Variants in NUP155 observed in about 807,000 individuals in gnomAD.
The protein encoded by NUP155 is nuclear pore complex protein Nup155.
A neutral mutation model predicts 180.4 loss-of-function variants in NUP155; 71 were observed. The observed-to-expected ratio is 0.39, with a 90% CI of 0.33 to 0.48. The LOEUF is 0.48. NUP155 is among the 20% of genes least tolerant of loss of function. The pLI is 0.91. For synonymous variants in NUP155, 582 were observed against 559.5 expected (o/e 1.04, Z -0.57); for missense variants, 1,553 against 1,648.9 (o/e 0.94, Z 1.01).
Position 37,342,554 on chromosome 5 carries a change from T to G in NUP155, c.1088A>C (p.His363Pro). Residue 363 changes from histidine (H) to proline (P), a missense_variant, in exon 10 of 35, where the codon CAT (histidine) becomes CCT (proline). By Grantham distance (77) the His-to-Pro change is moderately conservative (BLOSUM62 -2). Transcript: ENST00000231498. ...SLDCQLLAVT[H>P]AGVRLYFSTC... is the part of the protein sequence containing the mutation. ...ATGTAAATAAAACAACATACCTGCA[T>G]GTGTGACAGCCAATAACTGACAGTC... 6.3e-7 allele frequency: 1 copy of G among 1,598,504 alleles called. No individual in the cohort carries two copies. The highest frequency in any genetic ancestry group is 1.1e-5 in the South Asian group (1 of 90,766).
chr5:37,333,541 A>G lies in NUP155; in HGVS notation c.1440T>C (p.His480=). The change falls in exon 13 of 35, where the codon CAT becomes CAC. Residue 480 remains histidine (H), a synonymous_variant. Transcript: ENST00000231498. ...CAACTGGTGAATCAGTTATTGGAAT[A>G]TGATCCTTGTTTAAAGGTGTAATTA... ...DKIITPLNKD[H]IPITDSPVVV... 1 of 1,613,952 alleles carries G rather than the reference A, an allele frequency of 6.2e-7. No homozygotes were observed. The highest frequency in any genetic ancestry group is 8.5e-7 in the Non-Finnish European group (1 of 1,179,828).
Position 37,327,580 on chromosome 5 carries a change from C to T in NUP155, c.2024+49G>A, listed in dbSNP as rs1037822574. 10 of 1,603,362 alleles carry T rather than the reference C, an allele frequency of 6.2e-6. No individual in the cohort carries two copies. In the African/African-American group the frequency reaches 1.2e-4, roughly 19 times the overall value. ...TCAGAGTTAAAAATATTTAACTACT[C>T]AAGATGGGACAAGGTGAGCAATAAT... On this transcript the variant is annotated intron_variant, in intron 18 of 34. Coordinates refer to ENST00000231498, the MANE Select transcript of NUP155 (RefSeq NM_153485.3).
intron 24 of NUP155, 127 bp from the exon 25 acceptor site, chr5:37,307,559 TA>T: frequency 1.1e-6 from 1 of 905,324 alleles, no homozygotes; most frequent in East Asian, 2.5e-5. Context: ...CCTGCTAACA[TA>T]AAATATTTCT....
chr5:37,323,744 A>G (rs1744402122), intron 20 of NUP155, among the ~76,000 whole-genome samples: 1 of 151,628 alleles, frequency 6.6e-6, no homozygotes, highest in African/African-American at 2.4e-5. Flanking sequence ...AAAGTAGATT[A>G]GTGGTTGCCA....
Position 37,364,335 on chromosome 5 carries a change from T to A in NUP155, c.207A>T (p.Gly69=). ...GMSDMDYPLQ[G]PGLLSVPNLP... ...GGTTGGGTACGGACAGCAAACCAGG[T>A]CCTTGCAAAGGATAATCCATATCTG... is the stretch of plus-strand genomic sequence containing the variant. Residue 69 remains glycine (G), a synonymous_variant, in exon 2 of 35, where the codon GGA becomes GGT. Coordinates refer to ENST00000231498, the MANE Select transcript of NUP155 (RefSeq NM_153485.3). 1.2e-6 allele frequency: 2 copies of A among 1,610,976 alleles called. No homozygotes were observed. The highest frequency in any genetic ancestry group is 1.1e-5 in the South Asian group (1 of 91,022).
intron 3 of NUP155, among the ~76,000 whole-genome samples, chr5:37,363,457 C>T (rs906670470): frequency 1.3e-5 from 2 of 152,178 alleles, no homozygotes; most frequent in African/African-American, 4.8e-5. Flanking sequence ...CATTTCTATA[C>T]ATATAATTTA....
In NUP155 at chr5:37,351,338, T is replaced by A. The variant is rs1398572991; in HGVS notation, c.575A>T (p.Asp192Val). The change falls in exon 6 of 35, where the codon GAT (aspartate) becomes GTT (valine). Residue 192 changes from aspartate to valine, a missense_variant. Transcript: ENST00000231498. ...NLQTGSGVLN[D>V]SLSGGMQLLP... ...CAACTGCATTCCACCAGACAAACTA[T>A]CATTAAGAACTCCAGAACCTATTTA... 1 of 1,611,984 alleles carries A rather than the reference T, an allele frequency of 6.2e-7. No homozygotes were observed. Among genetic ancestry groups the A allele is most frequent in the Non-Finnish European group, 8.5e-7 (1 of 1,178,398 alleles).
At chr5:37,342,014 C>A (rs17511925) in intron 10 of NUP155, among the ~76,000 whole-genome samples, 15,166 of 152,174 alleles carry the variant, frequency 0.1, 847 homozygotes, top group Admixed American at 0.15. Context: ...AGCCACTGCG[C>A]CTTTTAGGCT....
At chr5:37,339,833 G>C (rs891393941) in intron 11 of NUP155, among the ~76,000 whole-genome samples, 1 of 152,064 alleles carries the variant, frequency 6.6e-6, no homozygotes, top group African/African-American at 2.4e-5. Context: ...GTAGGATCTT[G>C]GTTCACTGTA....
Position 37,292,922 on chromosome 5 carries a change from T to C in NUP155, c.3994A>G (p.Ile1332Val), listed in dbSNP as rs769549565. ...TGGCTGGGATTCTCAACATATCTTA[T>C]CAATAATACATGTATACAATCCAAA... ...HLLDCIHVLL[I>V]RYVENPSQVL... The change falls in exon 34 of 35, where the codon ATA (isoleucine) becomes GTA (valine). Residue 1332 changes from isoleucine (I) to valine (V), a missense_variant. By Grantham distance (29) the Ile-to-Val change is conservative (BLOSUM62 3). Transcript: ENST00000231498. 6.2e-7 allele frequency: 1 copy of C among 1,612,546 alleles called. No individual in the cohort carries two copies. The highest frequency in any genetic ancestry group is 8.5e-7 in the Non-Finnish European group (1 of 1,178,924).
rs373609588 is a variant in NUP155, at chr5:37,363,219, AGT to A, written c.392+667_392+668del. Among the ~76,000 whole-genome samples the A allele has an allele frequency of 3.2e-3, 484 of 152,290 alleles. 1 individual carries two copies. The highest frequency in any genetic ancestry group is 0.011 in the African/African-American group (458 of 41,576). On this transcript the variant is annotated intron_variant, in intron 3 of 34. Coordinates refer to ENST00000231498, the MANE Select transcript of NUP155 (RefSeq NM_153485.3). The stretch of plus-strand genomic sequence containing the variant: ...TTGAGTCAGCGTGCTCGGCCGATAC[AGT>A]GTCTTTTTAATGCACGTGTGTTCCT...
intron 12 of NUP155, among the ~76,000 whole-genome samples, chr5:37,333,989 C>T (rs929671839): frequency 1.5e-4 from 22 of 151,634 alleles, no homozygotes; most frequent in East Asian, 1.2e-3. Context: ...TTAGTGGGGA[C>T]GGGGTTTCTC....
rs555366820 is a variant in NUP155, at chr5:37,298,850, C to T, written c.3793+18G>A. The T allele has an allele frequency of 3.7e-6, 5 of 1,363,340 alleles. No homozygotes were observed. The African/African-American group carries it at 4.3e-5, about 12-fold the overall frequency. The allele number at this position is 1,363,340 out of a possible 1,614,324, so 84.5% of individuals were successfully genotyped here. On this transcript the variant is annotated intron_variant, in intron 32 of 34. Coordinates refer to ENST00000231498, the MANE Select transcript of NUP155 (RefSeq NM_153485.3). ...TCAGAACAGAAAATACGTGACTGCA[C>T]CTAAGATCACAGCTTACCTAAAGGA...
At chr5:37,322,966 T>A (rs1445448699) in intron 20 of NUP155, among the ~76,000 whole-genome samples, 3 of 147,404 alleles carry the variant, frequency 2.0e-5, no homozygotes. Context: ...AGAGCGAAAC[T>A]CCGTCTCAAA....
chr5:37,304,696 T>G, intron 27 of NUP155, 43 bp downstream of exon 27: 1 of 1,310,580 alleles, frequency 7.6e-7, no homozygotes, highest in Non-Finnish European at 1.1e-6. Context: ...TGAGTTATGC[T>G]CCTTAAGAAT....
rs1025910074 is a variant in NUP155 at position 37,289,731 on chromosome 5, C to T, written c.*2169G>A. ...AATGTTGTGAGCTGAGTATATATAA[C>T]AACATATTGCTAGTATGTAAATGTG... On this transcript the variant is annotated 3_prime_UTR_variant, in exon 35 of 35. Transcript: ENST00000231498. 7.2e-5 allele frequency: 11 copies of T among 152,146 alleles called. No homozygotes were observed. Among genetic ancestry groups the T allele is most frequent in the Non-Finnish European group, 1.5e-4 (10 of 68,020 alleles). The allele number at this position is 152,146 out of a possible 1,614,324, so 9.4% of individuals were successfully genotyped here.
intron 13 of NUP155, 84 bp downstream of exon 13, chr5:37,333,379 A>T: frequency 8.5e-7 from 1 of 1,180,326 alleles, no homozygotes; most frequent in Non-Finnish European, 1.3e-6. Flanking sequence ...AAAATTATTC[A>T]ATTAAGCCAC....
In NUP155 at chr5:37,342,610, T is replaced by C. The variant is rs200074420; in HGVS notation, c.1032A>G (p.Gln344=). 3.1e-6 allele frequency: 5 copies of C among 1,613,100 alleles called. No homozygotes were observed. In the Admixed American group the frequency reaches 6.7e-5, roughly 22 times the overall value. The stretch of plus-strand genomic sequence containing the variant: ...ATTCAGAATTTTCAATCACTGCTAT[T>C]TGGACAATTGGTTTAAAAACAGAAC... ...IDRSVFKPIV[Q]IAVIENSESL... Residue 344 remains glutamine, a synonymous_variant, in exon 10 of 35, where the codon CAA becomes CAG. Transcript: ENST00000231498.
chr5:37,328,156 T>C (rs1744726696), intron 17 of NUP155, among the ~76,000 whole-genome samples: 2 of 152,236 alleles, frequency 1.3e-5, no homozygotes, highest in African/African-American at 4.8e-5. Context: ...TAATGGGCTT[T>C]CCAGGCTTAT....
Sources: gnomAD v4.1 joint callset for allele counts (sites outside exome capture counted in the v4.1 genomes callset) on GRCh38, gnomAD v4.1.1 for gene constraint, MANE v1.5 for transcripts, NCBI Gene and HGNC (gene_info 2026-07-23, HGNC 2026-07-21) for gene names.